The following FGF14 variants were observed in gnomAD, a reference collection of about 807,000 sequenced individuals.
FGF14 encodes fibroblast growth factor homologous factor 4.
FGF14 carries 5 observed loss-of-function variants against 25.5 expected under a neutral mutation model. That is an observed-to-expected ratio of 0.20 (90% confidence interval 0.10 to 0.41). FGF14 has a LOEUF of 0.41. Ranked by LOEUF, FGF14 falls within the 10% of genes least tolerant of loss-of-function variation. The pLI is 1.00. For synonymous variants in FGF14, 138 were observed against 118.3 expected (o/e 1.17, Z -1.08); for missense variants, 222 against 320.1 (o/e 0.69, Z 2.34).
chr13:102,362,252 T>TC (rs1267924655), intron 1 of FGF14, among the ~76,000 whole-genome samples: 1 of 152,182 alleles, frequency 6.6e-6, no homozygotes, highest in African/African-American at 2.4e-5. Context: ...TTACAAGCTT[T>TC]CATTCCCTCG....
intron 3 of FGF14, among the ~76,000 whole-genome samples, chr13:101,803,950 C>G (rs2041051594): frequency 6.6e-6 from 1 of 151,646 alleles, no homozygotes; most frequent in Non-Finnish European, 1.5e-5. Context: ...AAGCTATTTG[C>G]ATTTAGTTGA....
Position 102,263,209 on chromosome 13 carries a change from G to T in FGF14, c.208+138262C>A, listed in dbSNP as rs112368250. ...TAAAAGTCTTGTGAGAAGACATGGC[G>T]AGAAGCGCAGTCAAGCACACACCAC... On this transcript the variant is annotated intron_variant, in intron 1 of 4. Transcript: ENST00000376131. The T allele has an allele frequency of 1.0e-3, 555 of 530,732 alleles. 3 individuals are homozygous for T. Among genetic ancestry groups the T allele is most frequent in the African/African-American group, 9.7e-3 (494 of 51,052 alleles). 32.9% of individuals were successfully genotyped at this position (530,732 alleles called of 1,614,324 possible).
intron 1 of FGF14, among the ~76,000 whole-genome samples, chr13:102,230,304 T>C (rs1005020871): frequency 6.6e-6 from 1 of 152,208 alleles, no homozygotes; most frequent in African/African-American, 2.4e-5. Flanking sequence ...ACTGAGTTTA[T>C]GATATTTCTT....
intron 3 of FGF14, among the ~76,000 whole-genome samples, chr13:101,748,762 A>T (rs2037066433): frequency 1.3e-5 from 2 of 150,272 alleles, no homozygotes; most frequent in Admixed American, 1.3e-4. Context: ...AAAAAAAAAA[A>T]AAAAAAAAAA....
intron 1 of FGF14, among the ~76,000 whole-genome samples, chr13:102,114,765 A>G (rs576850077): frequency 1.1e-4 from 16 of 152,262 alleles, no homozygotes; most frequent in African/African-American, 3.6e-4. Context: ...CTCATCTGAG[A>G]TATCTAAAAC....
At chr13:101,928,606 C>T (rs1196115609) in intron 1 of FGF14, among the ~76,000 whole-genome samples, 1 of 151,994 alleles carries the variant, frequency 6.6e-6, no homozygotes, top group Non-Finnish European at 1.5e-5. Flanking sequence ...CAAGAAGTAG[C>T]CTTAGAGATG....
intron 1 of FGF14, among the ~76,000 whole-genome samples, chr13:102,368,644 G>T (rs940727522): frequency 3.3e-5 from 5 of 152,084 alleles, no homozygotes; most frequent in Admixed American, 6.6e-5. Flanking sequence ...TGACAGAAAT[G>T]ATAATAGCTT....
At chr13:102,263,335 G>A in intron 1 of FGF14, 1 of 262,228 alleles carries the variant, frequency 3.8e-6, no homozygotes, top group Non-Finnish European at 7.4e-6. Flanking sequence ...ATGGAGAAAT[G>A]GAGTAGTGAG....
Position 101,875,385 on chromosome 13 carries a change from A to C in FGF14, c.194-89T>G, listed in dbSNP as rs893258987. 54 of 900,714 alleles carry C rather than the reference A, an allele frequency of 6.0e-5. 1 individual carries two copies. The South Asian group carries it at 6.9e-4, about 11-fold the overall frequency. The allele number at this position is 900,714 out of a possible 1,614,324, so 55.8% of individuals were successfully genotyped here. A position where few individuals can be genotyped will look rare whatever the true frequency, so the allele number is the denominator to read the frequency against. On this transcript the variant is annotated intron_variant, in intron 1 of 4. Coordinates refer to ENST00000376143, the MANE Select transcript of FGF14 (RefSeq NM_004115.4). The stretch of plus-strand genomic sequence containing the variant: ...CTGTTTCTCTTTCTTTTTTCAGAAG[A>C]GGACATTTTATACAAGTAGCATATT...
chr13:102,007,784 G>C (rs2039882907), intron 1 of FGF14, among the ~76,000 whole-genome samples: 1 of 152,138 alleles, frequency 6.6e-6, no homozygotes, highest in African/African-American at 2.4e-5. Flanking sequence ...ATATTTAAAG[G>C]ACATGGTTCT....
chr13:102,061,017 G>GGAGGA (rs1247142062), intron 1 of FGF14, among the ~76,000 whole-genome samples: 1 of 152,210 alleles, frequency 6.6e-6, no homozygotes, highest in Non-Finnish European at 1.5e-5. Context: ...AAGGGCCATG[G>GGAGGA]GAGGAGAGCC....
At chr13:102,124,634 C>G (rs2045875741) in intron 1 of FGF14, among the ~76,000 whole-genome samples, 1 of 152,092 alleles carries the variant, frequency 6.6e-6, no homozygotes, top group East Asian at 1.9e-4. Context: ...TTCAAGTCCT[C>G]TGATGGGCCA....
At chr13:102,042,147 T>C (rs138158170) in intron 1 of FGF14, among the ~76,000 whole-genome samples, 1 of 152,314 alleles carries the variant, frequency 6.6e-6, no homozygotes, top group East Asian at 1.9e-4. Context: ...ACCTACTACC[T>C]AGCACATGAT....
upstream of FGF14, chr13:102,402,074 A>G (rs1295393187): frequency 5.5e-6 from 1 of 182,172 alleles, no homozygotes; most frequent in Non-Finnish European, 1.1e-5. Flanking sequence ...GGAAAGAAAG[A>G]AAGAAAAAAG....
At chr13:101,980,584 C>G (rs199991342) in intron 1 of FGF14, among the ~76,000 whole-genome samples, 1 of 152,178 alleles carries the variant, frequency 6.6e-6, no homozygotes, top group African/African-American at 2.4e-5. Context: ...TTTGAAGAGG[C>G]AGCTGCCTGC....
At chr13:101,943,118 T>C (rs2035557500) in intron 1 of FGF14, among the ~76,000 whole-genome samples, 1 of 152,238 alleles carries the variant, frequency 6.6e-6, no homozygotes, top group African/African-American at 2.4e-5. Context: ...AGAATGCTAA[T>C]AACTAGTCCA....
intron 3 of FGF14, among the ~76,000 whole-genome samples, chr13:101,791,083 G>A (rs1475437802): frequency 2.0e-5 from 3 of 152,142 alleles, no homozygotes; most frequent in Non-Finnish European, 2.9e-5. Flanking sequence ...GGCTGTAAAG[G>A]AACACTTGGT....
At chr13:101,728,657 T>C (rs35689494) in intron 3 of FGF14, among the ~76,000 whole-genome samples, 1 of 62,364 alleles carries the variant, frequency 1.6e-5, no homozygotes, top group African/African-American at 4.8e-5. Context: ...ACTTGTCTTT[T>C]TACTGAGACA....
chr13:101,811,982 T>C (rs906156854), intron 3 of FGF14, among the ~76,000 whole-genome samples: 2 of 152,220 alleles, frequency 1.3e-5, no homozygotes, highest in African/African-American at 4.8e-5. Context: ...AATTTTATTA[T>C]TTAATTCCCT....
Sources: allele counts gnomAD v4.1 joint callset (sites outside exome capture counted in the v4.1 genomes callset), GRCh38; gene constraint gnomAD v4.1.1; transcripts MANE v1.5; gene names NCBI Gene and HGNC (gene_info 2026-07-23, HGNC 2026-07-21).